FHIT: variants seen among roughly 807,000 people sequenced by gnomAD.
FHIT encodes the protein bis(5'-adenosyl)-triphosphatase.
FHIT carries 19 observed loss-of-function variants against 17.9 expected under a neutral mutation model. The observed-to-expected ratio is 1.06, with a 90% confidence interval of 0.74 to 1.56. The LOEUF is 1.56. FHIT is among the 40% of genes most tolerant of loss of function. FHIT has a pLI of 0.00. For synonymous variants in FHIT, 81 were observed against 69.7 expected (o/e 1.16, Z -0.81); for missense variants, 248 against 189.2 (o/e 1.31, Z -1.82).
At chr3:59,749,638 G>A (rs1700775740) in intron 9 of FHIT, 59 bp from the exon 10 acceptor site, 1 of 230,444 alleles carries the variant, frequency 4.3e-6, no homozygotes, top group Non-Finnish European at 8.6e-6. Context: ...AATCTTCTCT[G>A]TAGGAACAAT....
rs139027574 is a variant in FHIT, at chr3:60,444,122, T to G, written c.103+92738A>C. ...TTATCATCACTTGCCATCAGAGAAATGCAAATCAAAACCACAGTGAGATAC... is the reference window on the plus strand; with the variant it reads ...TTATCATCACTTGCCATCAGAGAAAGGCAAATCAAAACCACAGTGAGATAC... On this transcript the variant is annotated intron_variant, in intron 5 of 9. Coordinates refer to ENST00000492590, the MANE Select transcript of FHIT (RefSeq NM_002012.4). Among the ~76,000 whole-genome samples the G allele has an allele frequency of 9.2e-3, 1,399 of 152,124 alleles. 15 individuals are homozygous for G. Among genetic ancestry groups the G allele is most frequent in the East Asian group, 0.028 (147 of 5,170 alleles).
intron 5 of FHIT, among the ~76,000 whole-genome samples, chr3:60,242,387 T>G (rs779727217): frequency 7.9e-5 from 12 of 152,118 alleles, no homozygotes; most frequent in Non-Finnish European, 1.3e-4. Context: ...TTCATTAACA[T>G]GTTCACAAAA....
At chr3:60,134,296 T>A (rs190203186) in intron 5 of FHIT, among the ~76,000 whole-genome samples, 1 of 152,210 alleles carries the variant, frequency 6.6e-6, no homozygotes, top group Admixed American at 6.5e-5. Flanking sequence ...GTCTGTAACA[T>A]ACTTAGTCAC....
At chr3:60,166,828 A>G (rs1467077231) in intron 5 of FHIT, among the ~76,000 whole-genome samples, 1 of 152,130 alleles carries the variant, frequency 6.6e-6, no homozygotes, top group East Asian at 1.9e-4. Flanking sequence ...CCACCTTAAT[A>G]CCAAATATTA....
At chr3:61,114,722 T>A (rs975033508) in intron 2 of FHIT, among the ~76,000 whole-genome samples, 13 of 152,188 alleles carry the variant, frequency 8.5e-5, no homozygotes, top group Non-Finnish European at 1.9e-4. Flanking sequence ...AATTTTTTTT[T>A]ACGTGTTCCC....
chr3:61,042,529 G>A (rs187627496), intron 2 of FHIT, among the ~76,000 whole-genome samples: 134 of 152,176 alleles, frequency 8.8e-4, no homozygotes, highest in Admixed American at 3.9e-3. Context: ...GTATATATTT[G>A]ACATTTTACA....
intron 5 of FHIT, among the ~76,000 whole-genome samples, chr3:60,158,257 T>G (rs1700788153): frequency 6.6e-6 from 1 of 151,600 alleles, no homozygotes; most frequent in South Asian, 2.1e-4. Context: ...CATAAACAGC[T>G]CAAGAAAACC....
intron 5 of FHIT, among the ~76,000 whole-genome samples, chr3:60,498,148 CA>C (rs1161381556): frequency 6.6e-6 from 1 of 152,096 alleles, no homozygotes; most frequent in Non-Finnish European, 1.5e-5. Context: ...ATAGTTTCGC[CA>C]ACACCAAGAT....
intron 2 of FHIT, among the ~76,000 whole-genome samples, chr3:61,106,549 CAAAT>C (rs745478690): frequency 2.6e-5 from 4 of 151,986 alleles, no homozygotes; most frequent in Non-Finnish European, 5.9e-5. Context: ...TTTTAATAGA[CAAAT>C]AAAAATTGTA....
intron 3 of FHIT, among the ~76,000 whole-genome samples, chr3:60,870,235 C>G (rs1704349598): frequency 7.9e-6 from 1 of 126,990 alleles, no homozygotes; most frequent in Non-Finnish European, 1.6e-5. Flanking sequence ...CATAATGGAT[C>G]AATACAGAGG....
intron 8 of FHIT, among the ~76,000 whole-genome samples, chr3:59,782,081 C>T (rs946576234): frequency 6.6e-6 from 1 of 152,160 alleles, no homozygotes; most frequent in Non-Finnish European, 1.5e-5. Context: ...GAAGAACAGA[C>T]CTTTGAAGTT....
intron 4 of FHIT, among the ~76,000 whole-genome samples, chr3:60,648,845 C>A (rs782591337): frequency 8.5e-5 from 13 of 152,134 alleles, no homozygotes; most frequent in Admixed American, 1.3e-4. Flanking sequence ...AGTTTGTTGA[C>A]CCTCTCTTCA....
At chr3:60,927,289 G>A (rs1373944149) in intron 3 of FHIT, among the ~76,000 whole-genome samples, 1 of 152,222 alleles carries the variant, frequency 6.6e-6, no homozygotes, top group Non-Finnish European at 1.5e-5. Context: ...ACAGAGTCTC[G>A]CTCACTCAGT....
intron 3 of FHIT, among the ~76,000 whole-genome samples, chr3:60,924,850 A>T (rs536521564): frequency 6.6e-6 from 1 of 152,308 alleles, no homozygotes; most frequent in East Asian, 1.9e-4. Flanking sequence ...TAACCAATGC[A>T]GAGAAGTCCT....
At chr3:61,217,287 G>A (rs1295391617) in intron 1 of FHIT, among the ~76,000 whole-genome samples, 1 of 152,196 alleles carries the variant, frequency 6.6e-6, no homozygotes, top group East Asian at 1.9e-4. Context: ...AGACTTGAAA[G>A]TTAGGGGCTG....
At chr3:60,364,002 C>T (rs934007628) in intron 5 of FHIT, among the ~76,000 whole-genome samples, 3 of 152,084 alleles carry the variant, frequency 2.0e-5, no homozygotes, top group Admixed American at 6.6e-5. Flanking sequence ...ACAGCTCTGC[C>T]GTTACTCATC....
intron 3 of FHIT, among the ~76,000 whole-genome samples, chr3:60,931,709 T>G (rs1169701956): frequency 2.0e-5 from 3 of 152,208 alleles, no homozygotes; most frequent in Non-Finnish European, 2.9e-5. Context: ...TTTTTTCAGG[T>G]TTATCTCTGG....
intron 3 of FHIT, among the ~76,000 whole-genome samples, chr3:60,854,374 A>C (rs1703280610): frequency 6.6e-6 from 1 of 152,064 alleles, no homozygotes; most frequent in East Asian, 1.9e-4. Flanking sequence ...TTGCTTTCAG[A>C]TGCATTAATT....
At chr3:60,901,805 G>A (rs1290840372) in intron 3 of FHIT, among the ~76,000 whole-genome samples, 3 of 152,088 alleles carry the variant, frequency 2.0e-5, no homozygotes, top group African/African-American at 4.8e-5. Context: ...GGAAGTTCAT[G>A]GGCATCTCAA....
Sources: gnomAD v4.1 joint callset for allele counts (sites outside exome capture counted in the v4.1 genomes callset) on GRCh38, gnomAD v4.1.1 for gene constraint, MANE v1.5 for transcripts, NCBI Gene and HGNC (gene_info 2026-07-23, HGNC 2026-07-21) for gene names.